Variants in NR3C2 observed in about 807,000 individuals in gnomAD.
NR3C2 encodes mineralocorticoid receptor.
A neutral mutation model predicts 86.4 loss-of-function variants in NR3C2; 15 were observed. That is an observed-to-expected ratio of 0.17 (90% CI 0.12 to 0.27). The LOEUF is 0.27. NR3C2 is among the 10% of genes least tolerant of loss of function. NR3C2 has a pLI of 1.00. For synonymous variants in NR3C2, 458 were observed against 450.5 expected (o/e 1.02, Z -0.21); for missense variants, 960 against 1,195.6 (o/e 0.80, Z 2.91).
chr4:148,388,269 G>C (rs760055999), intron 2 of NR3C2, among the ~76,000 whole-genome samples: 3 of 152,158 alleles, frequency 2.0e-5, no homozygotes, highest in Non-Finnish European at 2.9e-5. Flanking sequence ...GAAAAGAAAT[G>C]TTTTGGATTT....
chr4:148,211,117 C>T (rs2149816539), intron 3 of NR3C2, among the ~76,000 whole-genome samples: 1 of 152,326 alleles, frequency 6.6e-6, no homozygotes, highest in South Asian at 2.1e-4. Context: ...CTGTCCTTAT[C>T]CCACATAAGA....
At chr4:148,143,218 A>C (rs1733695634) in intron 6 of NR3C2, among the ~76,000 whole-genome samples, 1 of 151,524 alleles carries the variant, frequency 6.6e-6, no homozygotes, top group Admixed American at 6.6e-5. Context: ...CATCCAGTTA[A>C]GAAGGAGTTT....
chr4:148,328,685 G>C (rs1201150865), intron 2 of NR3C2, among the ~76,000 whole-genome samples: 1 of 152,156 alleles, frequency 6.6e-6, no homozygotes, highest in Non-Finnish European at 1.5e-5. Context: ...TTAGTAAAGA[G>C]GTCATCATTA....
chr4:148,134,643 CTTTTTTTT>C lies in NR3C2; in HGVS notation c.2511-14363_2511-14356del, dbSNP rs1175816621. Among the ~76,000 whole-genome samples, 19 of 40,810 alleles carry C rather than the reference CTTTTTTTT, an allele frequency of 4.7e-4. 1 individual carries two copies. The highest frequency in any genetic ancestry group is 3.3e-3 in the Admixed American group (10 of 2,992). The allele number at this position is 40,810 out of a possible 152,430, so 26.8% of individuals were successfully genotyped here. A position where few individuals can be genotyped will look rare whatever the true frequency, so the allele number is the denominator to read the frequency against. On this transcript the variant is annotated intron_variant, in intron 6 of 8. Transcript: ENST00000358102. ...CCTGTGATTCTCTCTCTCTCTCTCT[CTTTTTTTT>C]TTTTTTTTTTTTTTTTAGAGGGAGT...
chr4:148,331,661 CAGAA>C (rs979989437), intron 2 of NR3C2, among the ~76,000 whole-genome samples: 5 of 152,120 alleles, frequency 3.3e-5, no homozygotes, highest in South Asian at 2.1e-4. Context: ...ATTTTGGAAA[CAGAA>C]AGAAGCTTCC....
intron 2 of NR3C2, among the ~76,000 whole-genome samples, chr4:148,370,068 G>A (rs1295474663): frequency 6.6e-6 from 1 of 152,168 alleles, no homozygotes; most frequent in Non-Finnish European, 1.5e-5. Context: ...TTTTTCTAGC[G>A]GTGGTGATGG....
At position 148,115,997 on chromosome 4, in the gene NR3C2, T is replaced by C. The variant is rs1578899297; in HGVS notation, c.2642-1736A>G. On this transcript the variant is annotated intron_variant, in intron 7 of 8. Coordinates refer to ENST00000358102, the MANE Select transcript of NR3C2 (RefSeq NM_000901.5). ...TTTCTACCAAAATTTTAATGTTAAC[T>C]TAAAACCTTCTAAAAGATAGGAAAA... is the stretch of plus-strand genomic sequence containing the variant. Among the ~76,000 whole-genome samples, 3 of 152,342 alleles carry C rather than the reference T, an allele frequency of 2.0e-5. No homozygotes were observed. In the South Asian group the frequency reaches 6.2e-4, roughly 32 times the overall value.
chr4:148,269,120 T>A (rs951426384), intron 2 of NR3C2, among the ~76,000 whole-genome samples: 2 of 152,128 alleles, frequency 1.3e-5, no homozygotes, highest in Admixed American at 6.5e-5. Context: ...GTAGAGAAGA[T>A]CCTAGATAGA....
chr4:148,252,315 A>C (rs1475711514), intron 3 of NR3C2, among the ~76,000 whole-genome samples: 1 of 152,182 alleles, frequency 6.6e-6, no homozygotes, highest in Non-Finnish European at 1.5e-5. Context: ...GGGAGTTTAG[A>C]TTCAACGATA....
At chr4:148,241,514 G>A (rs567155314) in intron 3 of NR3C2, among the ~76,000 whole-genome samples, 22 of 151,838 alleles carry the variant, frequency 1.4e-4, no homozygotes, top group South Asian at 8.4e-4. Flanking sequence ...CCTTTGCACC[G>A]TGCCAGGGCA....
chr4:148,337,801 G>C (rs2149977138), intron 2 of NR3C2, among the ~76,000 whole-genome samples: 1 of 152,228 alleles, frequency 6.6e-6, no homozygotes, highest in South Asian at 2.1e-4. Flanking sequence ...CATTTATAAT[G>C]CGATGATTTC....
chr4:148,119,519 C>T (rs1418477895), intron 7 of NR3C2, among the ~76,000 whole-genome samples: 4 of 152,190 alleles, frequency 2.6e-5, no homozygotes, highest in Non-Finnish European at 5.9e-5. Context: ...TTTGGCCAGG[C>T]GTGGTGGCTC....
At chr4:148,090,193 C>T in intron 8 of NR3C2, among the ~76,000 whole-genome samples, 1 of 152,208 alleles carries the variant, frequency 6.6e-6, no homozygotes, top group African/African-American at 2.4e-5. Flanking sequence ...GAACAGATCT[C>T]TCAAGGCGTC....
At chr4:148,168,428 C>T (rs536993105) in intron 4 of NR3C2, among the ~76,000 whole-genome samples, 5 of 152,268 alleles carry the variant, frequency 3.3e-5, no homozygotes, top group African/African-American at 9.6e-5. Flanking sequence ...AAATAAAGTT[C>T]CAGAAAGATG....
intron 2 of NR3C2, among the ~76,000 whole-genome samples, chr4:148,400,478 T>C (rs1031603808): frequency 6.6e-6 from 1 of 151,956 alleles, no homozygotes. Flanking sequence ...ATAGAGAGTT[T>C]ACATTATTTT....
chr4:148,232,684 A>G (rs545647331), intron 3 of NR3C2, among the ~76,000 whole-genome samples: 8 of 152,280 alleles, frequency 5.3e-5, no homozygotes, highest in East Asian at 3.9e-4. Flanking sequence ...TCTTCTAACT[A>G]TCAAAGTCAT....
At chr4:148,318,697 T>A (rs1743366156) in intron 2 of NR3C2, among the ~76,000 whole-genome samples, 1 of 151,904 alleles carries the variant, frequency 6.6e-6, no homozygotes, top group Non-Finnish European at 1.5e-5. Flanking sequence ...TCTGTTCATG[T>A]CCTTCGCCCA....
intron 4 of NR3C2, among the ~76,000 whole-genome samples, chr4:148,155,350 A>G (rs1734321003): frequency 6.6e-6 from 1 of 152,204 alleles, no homozygotes; most frequent in Non-Finnish European, 1.5e-5. Context: ...ACATGATTGT[A>G]TATCTAGAAA....
chr4:148,199,945 G>C (rs1736636017), intron 3 of NR3C2, among the ~76,000 whole-genome samples: 1 of 152,174 alleles, frequency 6.6e-6, no homozygotes, highest in Non-Finnish European at 1.5e-5. Flanking sequence ...GACCATATTG[G>C]AGTTGGGGGA....
Sources: allele counts gnomAD v4.1 joint callset (sites outside exome capture counted in the v4.1 genomes callset), GRCh38; gene constraint gnomAD v4.1.1; transcripts MANE v1.5; gene names NCBI Gene and HGNC (gene_info 2026-07-23, HGNC 2026-07-21).